KNSTRN: variants seen among roughly 807,000 people sequenced by gnomAD.
KNSTRN encodes kinetochore localized astrin (SPAG5) binding protein, also known as small kinetochore-associated protein.
In KNSTRN, 38 loss-of-function variants were observed where a neutral mutation model predicts 44.7. That is an observed-to-expected ratio of 0.85 (90% CI 0.66 to 1.11). KNSTRN has a LOEUF of 1.11. Ranked by LOEUF, KNSTRN falls within the 50% of genes most tolerant of loss-of-function variation. The probability of loss-of-function intolerance (pLI) is 0.00; values close to 1 mark genes in which losing one functional copy is unlikely to be tolerated. For synonymous variants in KNSTRN, 158 were observed against 148.1 expected (o/e 1.07, Z -0.48); for missense variants, 406 against 375.8 (o/e 1.08, Z -0.66).
rs1566921758 is a variant in KNSTRN at position 40,383,327 on chromosome 15, G to A, written c.304+5G>A. ...TGAGCGGCGGCCAGCCGGCAGGTGA[G>A]GGTCCAAGCCACGCCCGGGGCACTG... is the stretch of plus-strand genomic sequence containing the variant. On this transcript the variant is annotated splice_donor_5th_base_variant and intron_variant, in intron 2 of 8. Transcript: ENST00000249776. The A allele has an allele frequency of 1.2e-6, 2 of 1,608,486 alleles. No individual in the cohort carries two copies. The highest frequency in any genetic ancestry group is 1.7e-6 in the Non-Finnish European group (2 of 1,175,966).
Position 40,386,343 on chromosome 15 carries a change from C to T in KNSTRN, c.305-19C>T. ...CGGGTCATGATGCCAGAAGCTTTACCTCTCATTTTCCTTTGCAGACACACA... is the reference window on the plus strand; with the variant it reads ...CGGGTCATGATGCCAGAAGCTTTACTTCTCATTTTCCTTTGCAGACACACA... On this transcript the variant is annotated intron_variant, in intron 2 of 8. Transcript: ENST00000249776. 1 of 1,608,050 alleles carries T rather than the reference C, an allele frequency of 6.2e-7. No individual in the cohort carries two copies. Among genetic ancestry groups the T allele is most frequent in the Non-Finnish European group, 8.5e-7 (1 of 1,176,504 alleles).
chr15:40,386,973 A>C, intron 3 of KNSTRN, 186 bp from the exon 4 acceptor site: 1 of 615,892 alleles, frequency 1.6e-6, no homozygotes, highest in Non-Finnish European at 2.9e-6. Flanking sequence ...TTTGCTACTA[A>C]AAAGCCTTTT....
intron 8 of KNSTRN, among the ~76,000 whole-genome samples, chr15:40,392,473 G>A (rs1462501880): frequency 6.6e-6 from 1 of 152,194 alleles, no homozygotes; most frequent in East Asian, 1.9e-4. Flanking sequence ...AGGATTACTT[G>A]AAGCCAGGAG....
chr15:40,391,977 T>A lies in KNSTRN; in HGVS notation c.776T>A (p.Leu259Gln). 1 of 1,611,794 alleles carries A rather than the reference T, an allele frequency of 6.2e-7. No homozygotes were observed. The highest frequency in any genetic ancestry group is 1.1e-5 in the South Asian group (1 of 90,634). Residue 259 changes from leucine to glutamine, a missense_variant, in exon 8 of 9, where the codon CTG becomes CAG. Leu to Gln is a moderately radical substitution (Grantham distance 113, BLOSUM62 -2). Transcript: ENST00000249776. The part of the protein sequence containing the change: ...MLLLETLQEE[L>Q]KLFNETAKKQ... ...CTGTTAGAAACTTTGCAAGAGGAGC[T>A]GAAGCTTTTTAACGAAACAGCCAAA...
At chr15:40,392,325 A>G (rs1890014713) in intron 8 of KNSTRN, among the ~76,000 whole-genome samples, 1 of 152,124 alleles carries the variant, frequency 6.6e-6, no homozygotes, top group East Asian at 1.9e-4. Context: ...TCCATTAGCT[A>G]TTCTTCTTGA....
At chr15:40,386,552 A>G in intron 3 of KNSTRN, 58 bp downstream of exon 3, 5 of 1,575,976 alleles carry the variant, frequency 3.2e-6, no homozygotes, top group Non-Finnish European at 4.3e-6. Flanking sequence ...GCTCAATACA[A>G]AGAATTAGAA....
At chr15:40,392,550 G>C (rs549438717) in intron 8 of KNSTRN, among the ~76,000 whole-genome samples, 1 of 152,292 alleles carries the variant, frequency 6.6e-6, no homozygotes, top group East Asian at 1.9e-4. Flanking sequence ...AAAATAGCCA[G>C]GCGTGGTGGT....
rs753486860 is a variant in KNSTRN at position 40,382,965 on chromosome 15, G to C, written c.130G>C (p.Ala44Pro). 3 of 1,612,260 alleles carry C rather than the reference G, an allele frequency of 1.9e-6. No individual in the cohort carries two copies. The highest frequency in any genetic ancestry group is 2.5e-6 in the Non-Finnish European group (3 of 1,180,038). ...ATTTGAAACCCAGGCGGCCGACTTAGCCGGTGGCACGACAGTTGCTGCAGG... is the reference window on the plus strand; with the variant it reads ...ATTTGAAACCCAGGCGGCCGACTTACCCGGTGGCACGACAGTTGCTGCAGG... Reference protein sequence around the residue: ...FLFETQAADLAGGTTVAAGNL... With the variant: ...FLFETQAADLPGGTTVAAGNL... Residue 44 changes from alanine to proline, a missense_variant, in exon 1 of 9, where the codon GCC becomes CCC. Coordinates refer to ENST00000249776, the MANE Select transcript of KNSTRN (RefSeq NM_033286.4).
Position 40,382,771 on chromosome 15 carries a change from A to T in KNSTRN, c.-65A>T. ...TGCATCACCCTCCTCCTCTGCCCAGACCTGGGGGCTCCAACACCTTTCGCT... is the reference window on the plus strand; with the variant it reads ...TGCATCACCCTCCTCCTCTGCCCAGTCCTGGGGGCTCCAACACCTTTCGCT... On this transcript the variant is annotated 5_prime_UTR_variant, in exon 1 of 9. Coordinates refer to ENST00000249776, the MANE Select transcript of KNSTRN (RefSeq NM_033286.4). 1 of 1,451,788 alleles carries T rather than the reference A, an allele frequency of 6.9e-7. No homozygotes were observed. The highest frequency in any genetic ancestry group is 9.5e-7 in the Non-Finnish European group (1 of 1,057,592). The allele number at this position is 1,451,788 out of a possible 1,614,324, so 89.9% of individuals were successfully genotyped here.
Position 40,382,830 on chromosome 15 carries a change from T to C in KNSTRN, c.-6T>C, listed in dbSNP as rs774211438. On this transcript the variant is annotated 5_prime_UTR_variant, in exon 1 of 9. Coordinates refer to ENST00000249776, the MANE Select transcript of KNSTRN (RefSeq NM_033286.4). Reference sequence around the variant, plus strand: ...CTCTGGCCTCTGAGCGAACCTTCCGTACAGTATGGCGGCTCCCGAAGCCCC... The same window carrying C: ...CTCTGGCCTCTGAGCGAACCTTCCGCACAGTATGGCGGCTCCCGAAGCCCC... 26 of 1,610,516 alleles carry C rather than the reference T, an allele frequency of 1.6e-5. No homozygotes were observed. Among genetic ancestry groups the C allele is most frequent in the Non-Finnish European group, 2.1e-5 (25 of 1,179,312 alleles).
Position 40,393,323 on chromosome 15 carries a change from C to G in KNSTRN, c.823-146C>G. The G allele has an allele frequency of 5.6e-6, 9 of 1,604,764 alleles. No homozygotes were observed. In the South Asian group the frequency reaches 1.0e-4, roughly 18 times the overall value. On this transcript the variant is annotated intron_variant, in intron 8 of 8. Coordinates refer to ENST00000249776, the MANE Select transcript of KNSTRN (RefSeq NM_033286.4). ...TAAAACCAGTGCATAGAAATAAAAT[C>G]TAAAATAGAAGATACAGTCTGTTGA...
In KNSTRN at chr15:40,382,847, C is replaced by A. The variant is rs753030579; in HGVS notation, c.12C>A (p.Pro4=). MAA[P]EAPPLDRVFR... ...ACCTTCCGTACAGTATGGCGGCTCC[C>A]GAAGCCCCGCCCCTGGACAGAGTTT... Residue 4 remains proline (P), a synonymous_variant, in exon 1 of 9, where the codon CCC becomes CCA. Transcript: ENST00000249776. 25 of 1,610,106 alleles carry A rather than the reference C, an allele frequency of 1.6e-5. No homozygotes were observed. Among genetic ancestry groups the A allele is most frequent in the Non-Finnish European group, 2.1e-5 (25 of 1,179,200 alleles).
chr15:40,391,875 G>A lies in KNSTRN; in HGVS notation c.748-74G>A, dbSNP rs1201918000. 4 of 1,145,634 alleles carry A rather than the reference G, an allele frequency of 3.5e-6. No individual in the cohort carries two copies. The Admixed American group carries it at 6.1e-5, about 18-fold the overall frequency. 71.0% of individuals were successfully genotyped at this position (1,145,634 alleles called of 1,614,324 possible). A position where few individuals can be genotyped will look rare whatever the true frequency, so the allele number is the denominator to read the frequency against. ...TCCTTTGTTGAGAACTGTGTGGAAA[G>A]GATGTTAGCCATCATCTAATGCAAG... On this transcript the variant is annotated intron_variant, in intron 7 of 8. Coordinates refer to ENST00000249776, the MANE Select transcript of KNSTRN (RefSeq NM_033286.4).
intron 2 of KNSTRN, among the ~76,000 whole-genome samples, 157 bp from the exon 3 acceptor site, chr15:40,386,205 C>G (rs571787315): frequency 6.6e-5 from 10 of 151,558 alleles, no homozygotes; most frequent in Non-Finnish European, 1.5e-4. Flanking sequence ...CCAGCCTGGG[C>G]CACAGAGCAA....
chr15:40,387,161 A>C lies in KNSTRN; in HGVS notation c.440A>C (p.Gln147Pro), dbSNP rs1464913665. Residue 147 changes from glutamine (Q) to proline (P), a missense_variant and splice_region_variant, in exon 4 of 9, where the codon CAA (glutamine) becomes CCA (proline). Transcript: ENST00000249776. ...KITKLRRENG[Q>P]MKATDTATRR... ...TTTCTTTGTTTCTGCCCTCCTAGGCAAATGAAAGCTACTGACACTGCCACC... is the reference window on the plus strand; with the variant it reads ...TTTCTTTGTTTCTGCCCTCCTAGGCCAATGAAAGCTACTGACACTGCCACC... 4 of 1,612,494 alleles carry C rather than the reference A, an allele frequency of 2.5e-6. No individual in the cohort carries two copies. Among genetic ancestry groups the C allele is most frequent in the East Asian group, 4.5e-5 (2 of 44,862 alleles).
chr15:40,384,369 G>C, intron 2 of KNSTRN: 1 of 429,566 alleles, frequency 2.3e-6, no homozygotes, highest in South Asian at 1.6e-5. Flanking sequence ...GCGAGACTCC[G>C]TCTCAAAAAA....
At chr15:40,391,866 G>A (rs1890003528) in intron 7 of KNSTRN, 83 bp from the exon 8 acceptor site, 1 of 1,054,446 alleles carries the variant, frequency 9.5e-7, no homozygotes, top group Admixed American at 2.2e-5. Context: ...GTTGAGAACT[G>A]TGTGGAAAGG....
intron 4 of KNSTRN, among the ~76,000 whole-genome samples, chr15:40,387,877 G>T (rs922489610): frequency 3.3e-5 from 5 of 152,088 alleles, no homozygotes; most frequent in African/African-American, 7.2e-5. Flanking sequence ...GCATGGTGGC[G>T]CATGTCTGTA....
At chr15:40,383,207 C>T in intron 1 of KNSTRN, 21 bp from the exon 2 acceptor site, 1 of 1,610,794 alleles carries the variant, frequency 6.2e-7, no homozygotes, top group Non-Finnish European at 8.5e-7. Context: ...CGCTGGGTAA[C>T]ATTCATCCTG....
Sources: gnomAD v4.1 joint callset for allele counts (sites outside exome capture counted in the v4.1 genomes callset) on GRCh38, gnomAD v4.1.1 for gene constraint, MANE v1.5 for transcripts, NCBI Gene and HGNC (gene_info 2026-07-23, HGNC 2026-07-21) for gene names.